SLC6A11: variants seen among roughly 807,000 people sequenced by gnomAD.
SLC6A11 encodes sodium- and chloride-dependent GABA transporter 3.
In SLC6A11, 25 loss-of-function variants were observed where a neutral mutation model predicts 74.8. The ratio of observed to expected loss-of-function variants is 0.33; its 90% CI spans 0.24 to 0.47. SLC6A11 has a LOEUF of 0.47. Among genes scored for constraint, SLC6A11 ranks in the 20% least tolerant of loss-of-function variants. The pLI, the probability that SLC6A11 is intolerant of heterozygous loss-of-function variation, is 1.00. For missense variants in SLC6A11, 574 were observed against 837.0 expected (o/e 0.69, Z 3.88); for synonymous variants, 330 against 330.2 (o/e 1.00, Z 0.01).
chr3:10,896,970 C>T (rs933094200), intron 6 of SLC6A11, among the ~76,000 whole-genome samples: 1 of 152,178 alleles, frequency 6.6e-6, no homozygotes, highest in Non-Finnish European at 1.5e-5. Flanking sequence ...TTCCACGTGG[C>T]TGGGGAGGCT....
intron 7 of SLC6A11, 61 bp downstream of exon 7, chr3:10,912,254 C>T: frequency 8.7e-7 from 1 of 1,150,028 alleles, no homozygotes; most frequent in Non-Finnish European, 1.3e-6. Context: ...TCTAACCTGC[C>T]AGGCTAGTTT....
chr3:10,913,212 A>G (rs1695410892), intron 7 of SLC6A11, among the ~76,000 whole-genome samples: 1 of 152,194 alleles, frequency 6.6e-6, no homozygotes, highest in Non-Finnish European at 1.5e-5. Context: ...CCACCCTATA[A>G]GTAGGAATGA....
chr3:10,852,804 G>A (rs1272176260), intron 5 of SLC6A11, among the ~76,000 whole-genome samples: 1 of 152,248 alleles, frequency 6.6e-6, no homozygotes, highest in East Asian at 1.9e-4. Flanking sequence ...GGAAAACTAA[G>A]CCAGAAACGA....
rs368928593 is a variant in SLC6A11 at position 10,823,266 on chromosome 3, A to C, written c.533-36A>C. ...TCAGGATTCAGCTTTCATGGAGATT[A>C]ATTTTCTTCTATTTCTTGTCTTGTT... On this transcript the variant is annotated intron_variant, in intron 3 of 13. Transcript: ENST00000254488. 5 of 1,474,110 alleles carry C rather than the reference A, an allele frequency of 3.4e-6. No homozygotes were observed. In the South Asian group the frequency reaches 5.7e-5, roughly 17 times the overall value. 91.3% of individuals were successfully genotyped at this position (1,474,110 alleles called of 1,614,324 possible). A position where few individuals can be genotyped will look rare whatever the true frequency, so the allele number is the denominator to read the frequency against.
rs147929736 is a variant in SLC6A11, at chr3:10,835,436, C to T, written c.624-8778C>T. Among the ~76,000 whole-genome samples, 66 of 152,296 alleles carry T rather than the reference C, an allele frequency of 4.3e-4. 2 individuals carry two copies. In the East Asian group the frequency reaches 0.012, roughly 28 times the overall value. ...CTGCGGCAGTTCCTCCGTCTCTCAC[C>T]TTCCCCTTATGCACTTTGCCTCCTG... On this transcript the variant is annotated intron_variant, in intron 4 of 13. Transcript: ENST00000254488.
intron 6 of SLC6A11, among the ~76,000 whole-genome samples, chr3:10,891,604 A>C (rs1695108205): frequency 6.6e-6 from 1 of 152,234 alleles, no homozygotes; most frequent in East Asian, 1.9e-4. Context: ...TTGCTATTTT[A>C]ATAAATTTAA....
At chr3:10,916,762 AT>A (rs1443313698) in intron 7 of SLC6A11, among the ~76,000 whole-genome samples, 16 of 152,320 alleles carry the variant, frequency 1.1e-4, no homozygotes, top group African/African-American at 3.4e-4. Context: ...CTGAAAAATG[AT>A]TTGATCTAGC....
chr3:10,940,062 G>GCT lies in SLC6A11; in HGVS notation c.*1663_*1664dup, dbSNP rs1402089244. The GCT allele has an allele frequency of 2.0e-5, 3 of 152,320 alleles. No homozygotes were observed. Among genetic ancestry groups the GCT allele is most frequent in the Non-Finnish European group, 4.4e-5 (3 of 68,140 alleles). 9.4% of individuals were successfully genotyped at this position (152,320 alleles called of 1,614,324 possible). A position where few individuals can be genotyped will look rare whatever the true frequency, so the allele number is the denominator to read the frequency against. On this transcript the variant is annotated 3_prime_UTR_variant, in exon 14 of 14. Transcript: ENST00000254488. ...AAGTCTGCAAACCCCCAGCATCTCT[G>GCT]CTCTGGCCAGCCCTGATCTGAAGCC... is the stretch of plus-strand genomic sequence containing the variant.
In SLC6A11 at chr3:10,829,455, G is replaced by A. The variant is rs115242306; in HGVS notation, c.623+6063G>A. Among the ~76,000 whole-genome samples the A allele has an allele frequency of 2.4e-3, 364 of 152,280 alleles. 2 individuals carry two copies. The highest frequency in any genetic ancestry group is 7.2e-3 in the African/African-American group (299 of 41,554). On this transcript the variant is annotated intron_variant, in intron 4 of 13. Coordinates refer to ENST00000254488, the MANE Select transcript of SLC6A11 (RefSeq NM_014229.3). Reference sequence around the variant, plus strand: ...TGATTCAGCATCAGAAGTGCCCTTGGGACCCTTTCCTAGGTCAGCACTGCA... The same window carrying A: ...TGATTCAGCATCAGAAGTGCCCTTGAGACCCTTTCCTAGGTCAGCACTGCA...
intron 13 of SLC6A11, among the ~76,000 whole-genome samples, chr3:10,937,258 G>A (rs1695770066): frequency 1.3e-5 from 2 of 152,176 alleles, no homozygotes; most frequent in Admixed American, 1.3e-4. Flanking sequence ...TCTTGCCCTT[G>A]TTAAATTGTA....
chr3:10,895,870 C>T (rs1695165269), intron 6 of SLC6A11, among the ~76,000 whole-genome samples: 2 of 152,086 alleles, frequency 1.3e-5, no homozygotes, highest in Middle Eastern at 3.4e-3. Context: ...AGCAAACCGC[C>T]ACGGCACACA....
rs1388207777 is a variant in SLC6A11 at position 10,921,886 on chromosome 3, A to T, written c.1120+3433A>T. 5.9e-5 allele frequency among the ~76,000 whole-genome samples: 9 copies of T among 152,328 alleles called. 1 individual carries two copies. The East Asian group carries it at 1.5e-3, about 26-fold the overall frequency. On this transcript the variant is annotated intron_variant, in intron 8 of 13. Coordinates refer to ENST00000254488, the MANE Select transcript of SLC6A11 (RefSeq NM_014229.3). ...AAAATATTAGCAGAGATAAAGAGGA[A>T]CACCTCATATTGATAAAAGGGGCAA...
In SLC6A11 at chr3:10,935,122, A is replaced by G; in HGVS notation, c.1669A>G (p.Met557Val). 1 of 1,614,162 alleles carries G rather than the reference A, an allele frequency of 6.2e-7. No homozygotes were observed. The highest frequency in any genetic ancestry group is 8.5e-7 in the Non-Finnish European group (1 of 1,179,984). ...PAWGYGIGWL[M>V]ALSSMLCIPL... ...CTGGGGCTATGGCATTGGCTGGCTC[A>G]TGGCCCTGTCCTCCATGCTCTGCAT... Residue 557 changes from methionine to valine, a missense_variant, in exon 13 of 14, where the codon ATG becomes GTG. Transcript: ENST00000254488.
chr3:10,850,226 T>C (rs1216232084), intron 5 of SLC6A11, among the ~76,000 whole-genome samples: 1 of 152,188 alleles, frequency 6.6e-6, no homozygotes, highest in Non-Finnish European at 1.5e-5. Context: ...AAAAGCAACA[T>C]GATGGTTTTC....
At chr3:10,920,996 T>C (rs765772907) in intron 8 of SLC6A11, among the ~76,000 whole-genome samples, 2 of 152,230 alleles carry the variant, frequency 1.3e-5, no homozygotes, top group African/African-American at 2.4e-5. Flanking sequence ...TTCTGAGGCA[T>C]GATTTTTGGA....
chr3:10,927,422 G>A (rs183490881), intron 9 of SLC6A11, among the ~76,000 whole-genome samples: 1 of 152,322 alleles, frequency 6.6e-6, no homozygotes, highest in African/African-American at 2.4e-5. Flanking sequence ...GTGTGCCTTG[G>A]ATATATTCTC....
In SLC6A11 at chr3:10,938,965, C is replaced by A. The variant is rs1397155265; in HGVS notation, c.*563C>A. 6.6e-6 allele frequency: 1 copy of A among 152,304 alleles called. No homozygotes were observed. The highest frequency in any genetic ancestry group is 6.5e-5 in the Admixed American group (1 of 15,280). 9.4% of individuals were successfully genotyped at this position (152,304 alleles called of 1,614,324 possible). On this transcript the variant is annotated 3_prime_UTR_variant, in exon 14 of 14. Transcript: ENST00000254488. ...TCCTGGGCTGCAGGCCCCCCTCTGCCCTGATCCCATGAAGTGACCTTGGGC... is the reference window on the plus strand; with the variant it reads ...TCCTGGGCTGCAGGCCCCCCTCTGCACTGATCCCATGAAGTGACCTTGGGC...
At chr3:10,868,533 T>C (rs1369587100) in intron 5 of SLC6A11, among the ~76,000 whole-genome samples, 2 of 152,220 alleles carry the variant, frequency 1.3e-5, no homozygotes, top group Admixed American at 1.3e-4. Context: ...GAAAAGGGAA[T>C]TAAACAATAG....
intron 4 of SLC6A11, among the ~76,000 whole-genome samples, chr3:10,838,930 C>T (rs1357276442): frequency 6.6e-6 from 1 of 152,238 alleles, no homozygotes; most frequent in Non-Finnish European, 1.5e-5. Flanking sequence ...CTCCCAGTTC[C>T]GCTCCTTCCT....
Sources: allele counts gnomAD v4.1 joint callset (sites outside exome capture counted in the v4.1 genomes callset), GRCh38; gene constraint gnomAD v4.1.1; transcripts MANE v1.5; gene names NCBI Gene and HGNC (gene_info 2026-07-23, HGNC 2026-07-21).